The following DLGAP1 variants were observed in gnomAD, a reference collection of about 807,000 sequenced individuals.
The protein encoded by DLGAP1 is disks large-associated protein 1.
Under a neutral mutation model 90.8 loss-of-function variants are expected in DLGAP1, and 11 were observed. The observed-to-expected ratio is 0.12, with a 90% CI of 0.08 to 0.20. The LOEUF (loss-of-function observed/expected upper bound fraction) is 0.20. DLGAP1 is among the 10% of genes least tolerant of loss of function. The pLI is 1.00. For missense variants in DLGAP1, 1,050 were observed against 1,333.8 expected (o/e 0.79, Z 3.31); for synonymous variants, 558 against 540.7 (o/e 1.03, Z -0.44).
chr18:3,946,934 G>A (rs1322815917), intron 3 of DLGAP1, among the ~76,000 whole-genome samples: 3 of 152,172 alleles, frequency 2.0e-5, no homozygotes, highest in Admixed American at 6.5e-5. Flanking sequence ...ACATTTGTAG[G>A]ATTTTCCACT....
Position 4,423,182 on chromosome 18 carries a change from T to C in DLGAP1, c.-267+31824A>G, listed in dbSNP as rs116632676. ...CCAATTCTTCCCAAAGCAATAAATA[T>C]TCAGTTTCTCTGGTATTTGCTTCTT... On this transcript the variant is annotated intron_variant, in intron 1 of 12. Transcript: ENST00000315677. 3.8e-3 allele frequency among the ~76,000 whole-genome samples: 573 copies of C among 152,302 alleles called. 7 individuals carry two copies. The highest frequency in any genetic ancestry group is 0.013 in the African/African-American group (530 of 41,588).
At position 4,454,412 on chromosome 18, in the gene DLGAP1, C is replaced by CTT. The variant is rs1018872891; in HGVS notation, c.-267+593_-267+594insAA. ...CCTCCTCCTTGGACCCCATTTCTCT[C>CTT]TCTCTCTCTCTCTCTGTGCCTGTCT... On this transcript the variant is annotated intron_variant, in intron 1 of 12. Transcript: ENST00000315677. This position sits in a 1 kb window ranked among gnomAD's most constrained non-coding sequence, Gnocchi z 4.7. 3.9e-5 allele frequency among the ~76,000 whole-genome samples: 6 copies of CTT among 152,150 alleles called. No homozygotes were observed. The highest frequency in any genetic ancestry group is 2.0e-4 in the Admixed American group (3 of 15,296).
chr18:3,533,879 T>C (rs1436527104), intron 10 of DLGAP1, among the ~76,000 whole-genome samples: 3 of 152,228 alleles, frequency 2.0e-5, no homozygotes, highest in Admixed American at 6.5e-5. Flanking sequence ...CAGGATCATC[T>C]TGGAGAAGAG....
chr18:3,845,981 T>G (rs898550605), intron 4 of DLGAP1, among the ~76,000 whole-genome samples: 19 of 152,026 alleles, frequency 1.2e-4, no homozygotes, highest in African/African-American at 4.6e-4. Flanking sequence ...GGCAAACACT[T>G]TTCATTTTTT....
At chr18:3,756,096 C>T (rs139949808) in intron 5 of DLGAP1, among the ~76,000 whole-genome samples, 3,309 of 152,114 alleles carry the variant, frequency 0.022, 55 homozygotes, top group Middle Eastern at 0.044. Flanking sequence ...GTCACCCAGA[C>T]TGGAGTGCAA....
rs1279665137 is a variant in DLGAP1, at chr18:3,582,104, T to C, written c.1736A>G (p.Asp579Gly). 1.2e-6 allele frequency: 2 copies of C among 1,613,800 alleles called. No individual in the cohort carries two copies. The highest frequency in any genetic ancestry group is 1.7e-6 in the Non-Finnish European group (2 of 1,179,946). Reference protein sequence around the residue: ...AYMDGQGQRGDIISQSGLSNS... With the variant: ...AYMDGQGQRGGIISQSGLSNS... ...GCTGAGTCCAGACTGGCTGATAATA[T>C]CTCCTCGCTGGCCCTGTCCGTCCAT... The change falls in exon 8 of 13, where the codon GAT becomes GGT. Residue 579 changes from aspartate to glycine, a missense_variant. Around this residue, in one of 2 missense-constraint regions of DLGAP1, gnomAD observed 565 missense variants for 879.7 expected, o/e 0.64. Transcript: ENST00000315677.
rs140744071 is a variant in DLGAP1, at chr18:4,221,244, T to C, written c.-266-69957A>G. ...CACATATTCAATAATTTTCTTACAA[T>C]TGAATCCCTTGCCTGTTATAATTAA... On this transcript the variant is annotated intron_variant, in intron 1 of 12. Coordinates refer to ENST00000315677, the MANE Select transcript of DLGAP1 (RefSeq NM_004746.4). Among the ~76,000 whole-genome samples the C allele has an allele frequency of 7.2e-3, 1,102 of 152,254 alleles. 11 individuals carry two copies. The highest frequency in any genetic ancestry group is 0.024 in the African/African-American group (997 of 41,550).
At chr18:4,355,761 G>C (rs971522566) in intron 1 of DLGAP1, among the ~76,000 whole-genome samples, 1 of 62,938 alleles carries the variant, frequency 1.6e-5, no homozygotes, top group Non-Finnish European at 3.3e-5. Flanking sequence ...TTTTTTTTTT[G>C]CAATTTTTTT....
intron 2 of DLGAP1, among the ~76,000 whole-genome samples, chr18:4,142,735 A>T (rs1465763689): frequency 6.6e-6 from 1 of 152,176 alleles, no homozygotes; most frequent in Non-Finnish European, 1.5e-5. Context: ...GTCCTTTGGA[A>T]TGCTCTCCAG....
At chr18:4,444,196 C>T (rs1024063739) in intron 1 of DLGAP1, among the ~76,000 whole-genome samples, 2 of 150,436 alleles carry the variant, frequency 1.3e-5, no homozygotes, top group Non-Finnish European at 3.0e-5. Flanking sequence ...AGGATCAGGG[C>T]ATGACTGCTT....
intron 7 of DLGAP1, among the ~76,000 whole-genome samples, chr18:3,677,267 G>A (rs561330995): frequency 3.3e-5 from 5 of 152,226 alleles, no homozygotes; most frequent in Admixed American, 1.3e-4. Flanking sequence ...ATCCTACACC[G>A]TAATCACTCC....
At chr18:4,381,465 A>C (rs1168930212) in intron 1 of DLGAP1, among the ~76,000 whole-genome samples, 1 of 152,096 alleles carries the variant, frequency 6.6e-6, no homozygotes. Flanking sequence ...TCTTCTGTGG[A>C]ATAAAGTAAA....
At chr18:3,829,429 G>T (rs968026997) in intron 4 of DLGAP1, among the ~76,000 whole-genome samples, 10 of 116,026 alleles carry the variant, frequency 8.6e-5, no homozygotes, top group Non-Finnish European at 1.5e-4. Flanking sequence ...ATAGATCCAA[G>T]ACTCTCTGAG....
At chr18:4,282,295 C>T (rs540524398) in intron 1 of DLGAP1, among the ~76,000 whole-genome samples, 3 of 148,536 alleles carry the variant, frequency 2.0e-5, no homozygotes, top group Middle Eastern at 3.2e-3. Context: ...ACCTGGGAGG[C>T]GGAGCTTGCA....
At chr18:3,581,809 A>G in intron 8 of DLGAP1, 66 bp downstream of exon 8, 1 of 1,572,614 alleles carries the variant, frequency 6.4e-7, no homozygotes. Flanking sequence ...CTTCCGGGGA[A>G]ACAAAAAGTG....
intron 1 of DLGAP1, among the ~76,000 whole-genome samples, chr18:4,363,229 CA>C (rs539577049): frequency 3.5e-4 from 54 of 152,244 alleles, no homozygotes; most frequent in African/African-American, 1.3e-3. Context: ...ACAGGGAAAA[CA>C]AGGAAGGGCC....
At chr18:4,160,068 GAT>G (rs1405106646) in intron 1 of DLGAP1, among the ~76,000 whole-genome samples, 1 of 152,176 alleles carries the variant, frequency 6.6e-6, no homozygotes, top group Non-Finnish European at 1.5e-5. Context: ...GTTACAAAAA[GAT>G]TTACAATTTA....
intron 9 of DLGAP1, among the ~76,000 whole-genome samples, chr18:3,558,309 T>C (rs543924318): frequency 6.6e-6 from 1 of 152,338 alleles, no homozygotes; most frequent in African/African-American, 2.4e-5. Flanking sequence ...CTTGGCTCAC[T>C]GTAACATCCA....
At chr18:4,014,770 C>T (rs1270970024) in intron 2 of DLGAP1, among the ~76,000 whole-genome samples, 1 of 152,184 alleles carries the variant, frequency 6.6e-6, no homozygotes, top group Non-Finnish European at 1.5e-5. Context: ...TCTGGACAAG[C>T]ACCTGTTCAA....
Sources: gnomAD v4.1 joint callset for allele counts (sites outside exome capture counted in the v4.1 genomes callset) on GRCh38, gnomAD v4.1.1 for gene constraint, gnomAD v4.1.1 regional missense constraint, Gnocchi (gnomAD v3.1) non-coding constraint, MANE v1.5 for transcripts, NCBI Gene and HGNC (gene_info 2026-07-23, HGNC 2026-07-21) for gene names.